ANKS3: variants seen among roughly 807,000 people sequenced by gnomAD.
ANKS3 encodes ankyrin repeat and sterile alpha motif domain containing 3.
In ANKS3, 62 loss-of-function variants were observed where a neutral mutation model predicts 80.7. That is an observed-to-expected ratio of 0.77 (90% confidence interval 0.63 to 0.95). ANKS3 has a LOEUF of 0.95. Ranked by LOEUF, ANKS3 falls within the 40% of genes least tolerant of loss-of-function variation. ANKS3 has a pLI of 0.00. For synonymous variants in ANKS3, 489 were observed against 355.3 expected (o/e 1.38, Z -4.23); for missense variants, 1,150 against 883.6 (o/e 1.30, Z -3.82).
At chr16:4,700,797 G>A (rs549599950) in intron 11 of ANKS3, 173 bp downstream of exon 11, 119 of 880,042 alleles carry the variant, frequency 1.4e-4, no homozygotes, top group Non-Finnish European at 2.0e-4. Context: ...CTGCAGCGGG[G>A]CTGCCAGCCA....
chr16:4,700,233 T>G (rs562594326), intron 11 of ANKS3: 1 of 153,318 alleles, frequency 6.5e-6, no homozygotes, highest in African/African-American at 2.4e-5. Context: ...CTGGCCAACA[T>G]AGTGAAATCC....
rs544714979 is a variant in ANKS3 at position 4,709,329 on chromosome 16, C to A, written c.710-4076G>T. 2.3e-3 allele frequency among the ~76,000 whole-genome samples: 350 copies of A among 151,788 alleles called. 1 individual carries two copies. Among genetic ancestry groups the A allele is most frequent in the African/African-American group, 7.9e-3 (326 of 41,410 alleles). ...GCTGAGGCAGGAGAATCGCTTGAAC[C>A]CGGGAGGTGGAGGTTGCAGTGAGCC... On this transcript the variant is annotated intron_variant, in intron 7 of 17. Transcript: ENST00000304283.
At chr16:4,707,943 C>G (rs1286047340) in intron 7 of ANKS3, among the ~76,000 whole-genome samples, 1 of 151,668 alleles carries the variant, frequency 6.6e-6, no homozygotes, top group Non-Finnish European at 1.5e-5. Context: ...AAACCCTGTC[C>G]CTACTAAAAA....
chr16:4,715,069 G>C (rs1397208932), intron 6 of ANKS3, among the ~76,000 whole-genome samples: 1 of 146,520 alleles, frequency 6.8e-6, no homozygotes, highest in Non-Finnish European at 1.5e-5. Context: ...GAGAAAACTT[G>C]AATGCTCAGG....
At chr16:4,698,283 G>T (rs1596341151) in intron 14 of ANKS3, 144 bp downstream of exon 14, 2 of 1,249,614 alleles carry the variant, frequency 1.6e-6, no homozygotes, top group Non-Finnish European at 2.1e-6. Context: ...GGAAGGAAGG[G>T]CCTGATGAAA....
At chr16:4,722,927 T>G (rs530858747) in intron 6 of ANKS3, among the ~76,000 whole-genome samples, 2 of 132,216 alleles carry the variant, frequency 1.5e-5, no homozygotes, top group Non-Finnish European at 3.2e-5. Flanking sequence ...GACTTCTGTC[T>G]CCAAAAAAAA....
intron 7 of ANKS3, among the ~76,000 whole-genome samples, chr16:4,711,498 C>A (rs1366004616): frequency 6.6e-6 from 1 of 151,622 alleles, no homozygotes; most frequent in African/African-American, 2.4e-5. Flanking sequence ...GTGGGCAGAC[C>A]ACCTGAGGTC....
chr16:4,720,766 C>A (rs367840816), intron 6 of ANKS3, among the ~76,000 whole-genome samples: 14 of 150,460 alleles, frequency 9.3e-5, no homozygotes, highest in African/African-American at 3.4e-4. Flanking sequence ...ATGCCGAAAC[C>A]CTGTCTACTA....
In ANKS3 at chr16:4,720,541, C is replaced by T. The variant is rs1218759810; in HGVS notation, c.573+4209G>A. On this transcript the variant is annotated intron_variant, in intron 6 of 17. Transcript: ENST00000304283. ...TATGGAACAAAGCAAGTTTACACTACCCACTACCGACTGAACCCACCTCAC... is the reference window on the plus strand; with the variant it reads ...TATGGAACAAAGCAAGTTTACACTATCCACTACCGACTGAACCCACCTCAC... Among the ~76,000 whole-genome samples the T allele has an allele frequency of 1.3e-4, 19 of 151,120 alleles. 1 individual carries two copies. Among genetic ancestry groups the T allele is most frequent in the Admixed American group, 1.2e-3 (18 of 15,070 alleles).
Position 4,699,762 on chromosome 16 carries a change from C to G in ANKS3, c.1285-586G>C, listed in dbSNP as rs186164959. 5.3e-3 allele frequency: 824 copies of G among 155,378 alleles called. 5 individuals carry two copies. Among genetic ancestry groups the G allele is most frequent in the Non-Finnish European group, 8.6e-3 (598 of 69,772 alleles). 9.6% of individuals were successfully genotyped at this position (155,378 alleles called of 1,614,324 possible). A position where few individuals can be genotyped will look rare whatever the true frequency, so the allele number is the denominator to read the frequency against. On this transcript the variant is annotated intron_variant, in intron 11 of 17. Coordinates refer to ENST00000304283, the MANE Select transcript of ANKS3 (RefSeq NM_133450.4). ...TTTTTTACTCATTCTTTCTGTTCCT[C>G]AAGCGAGATGATCTCAGGTGACCTG...
chr16:4,697,859 G>A (rs767299373), intron 15 of ANKS3, 118 bp downstream of exon 15: 67 of 974,330 alleles, frequency 6.9e-5, no homozygotes, highest in Non-Finnish European at 9.8e-5. Flanking sequence ...GTGCACACAG[G>A]GACCTGGGAG....
Position 4,729,982 on chromosome 16 carries a change from C to A in ANKS3, c.168G>T (p.Gln56His). ...GGAAGTTCCCCGAGATCTCTTACCG[C>A]TGCACACACTCCTTCACCACTTCAT... Reference protein sequence around the residue: ...GQYEVVKECVQRRELDLNKKN... With the variant: ...GQYEVVKECVHRRELDLNKKN... Residue 56 changes from glutamine (Q) to histidine (H), a missense_variant and splice_region_variant, in exon 3 of 18, where the codon CAG (glutamine) becomes CAT (histidine). Transcript: ENST00000304283. 2 of 1,499,688 alleles carry A rather than the reference C, an allele frequency of 1.3e-6. No individual in the cohort carries two copies. The highest frequency in any genetic ancestry group is 2.0e-5 in the Admixed American group (1 of 49,274). 92.9% of individuals were successfully genotyped at this position (1,499,688 alleles called of 1,614,324 possible). A position where few individuals can be genotyped will look rare whatever the true frequency, so the allele number is the denominator to read the frequency against.
At chr16:4,729,675 T>A (rs570993790) in intron 3 of ANKS3, 1 of 194,606 alleles carries the variant, frequency 5.1e-6, no homozygotes, top group South Asian at 1.9e-4. Context: ...CTTTCTGTCT[T>A]TATTTTTATT....
At chr16:4,714,626 T>C (rs2080684218) in intron 6 of ANKS3, among the ~76,000 whole-genome samples, 1 of 152,242 alleles carries the variant, frequency 6.6e-6, no homozygotes, top group South Asian at 2.1e-4. Context: ...TTACAGGTCT[T>C]GCAGCGCAAC....
At chr16:4,707,858 C>T (rs1436772283) in intron 7 of ANKS3, among the ~76,000 whole-genome samples, 1 of 152,078 alleles carries the variant, frequency 6.6e-6, no homozygotes, top group Non-Finnish European at 1.5e-5. Flanking sequence ...CGCCTGTAAT[C>T]CCAGCACTTT....
rs185065943 is a variant in ANKS3, at chr16:4,729,968, G to A, written c.170+12C>T. On this transcript the variant is annotated intron_variant, in intron 3 of 17. Coordinates refer to ENST00000304283, the MANE Select transcript of ANKS3 (RefSeq NM_133450.4). The stretch of plus-strand genomic sequence containing the variant: ...CTCAAAATGTGAGAGGAAGTTCCCC[G>A]AGATCTCTTACCGCTGCACACACTC... The A allele has an allele frequency of 7.9e-5, 115 of 1,457,976 alleles. No homozygotes were observed. The East Asian group carries it at 2.6e-3, about 33-fold the overall frequency. 90.3% of individuals were successfully genotyped at this position (1,457,976 alleles called of 1,614,324 possible). A position where few individuals can be genotyped will look rare whatever the true frequency, so the allele number is the denominator to read the frequency against.
chr16:4,709,061 T>C (rs2080350221), intron 7 of ANKS3, among the ~76,000 whole-genome samples: 1 of 150,882 alleles, frequency 6.6e-6, no homozygotes, highest in Non-Finnish European at 1.5e-5. Flanking sequence ...GGCCCAGGAG[T>C]TTGAGACCAG....
chr16:4,709,493 T>C (rs936795008), intron 7 of ANKS3, among the ~76,000 whole-genome samples: 3 of 152,126 alleles, frequency 2.0e-5, no homozygotes, highest in Non-Finnish European at 4.4e-5. Context: ...GAAATCAGTA[T>C]ACCAAAGAGA....
intron 16 of ANKS3, 79 bp downstream of exon 16, chr16:4,697,254 C>G: frequency 1.3e-6 from 2 of 1,546,730 alleles, no homozygotes; most frequent in Non-Finnish European, 1.8e-6. Context: ...GACACAAACC[C>G]GCTTTCCCTG....
Sources: allele counts gnomAD v4.1 joint callset (sites outside exome capture counted in the v4.1 genomes callset), GRCh38; gene constraint gnomAD v4.1.1; transcripts MANE v1.5; gene names NCBI Gene and HGNC (gene_info 2026-07-23, HGNC 2026-07-21).